Variants in ADGRD1 observed in about 807,000 individuals in gnomAD.
ADGRD1 encodes G-protein coupled receptor 133.
ADGRD1 carries 77 observed loss-of-function variants against 113.4 expected under a neutral mutation model. The observed-to-expected ratio is 0.68, with a 90% CI of 0.57 to 0.82. ADGRD1 has a LOEUF of 0.82. Ranked by LOEUF, ADGRD1 falls within the 40% of genes least tolerant of loss-of-function variation. The probability of loss-of-function intolerance (pLI) is 0.00; values close to 1 mark genes in which losing one functional copy is unlikely to be tolerated. For missense variants in ADGRD1, 1,036 were observed against 1,139.1 expected (o/e 0.91, Z 1.30); for synonymous variants, 474 against 475.0 (o/e 1.00, Z 0.03).
intron 13 of ADGRD1, among the ~76,000 whole-genome samples, chr12:131,028,904 T>C (rs1593070936): frequency 6.6e-6 from 1 of 152,236 alleles, no homozygotes; most frequent in East Asian, 1.9e-4. Flanking sequence ...GAGACGCATT[T>C]AAAAATTTGA....
At position 130,954,366 on chromosome 12, in the gene ADGRD1, G is replaced by T; in HGVS notation, c.-100G>T. 1 of 1,105,684 alleles carries T rather than the reference G, an allele frequency of 9.0e-7. No homozygotes were observed. Among genetic ancestry groups the T allele is most frequent in the Non-Finnish European group, 1.3e-6 (1 of 772,134 alleles). 68.5% of individuals were successfully genotyped at this position (1,105,684 alleles called of 1,614,324 possible). A position where few individuals can be genotyped will look rare whatever the true frequency, so the allele number is the denominator to read the frequency against. On this transcript the variant is annotated 5_prime_UTR_variant, in exon 1 of 25. Transcript: ENST00000261654. This position sits in a 1 kb window ranked among gnomAD's most constrained non-coding sequence, Gnocchi z 4.7. Reference sequence around the variant, plus strand: ...AGAAATTTTCTCCCCTGGAACCTGTGAAAATGTCCCTTTTCCAAGGAAGTG... The same window carrying T: ...AGAAATTTTCTCCCCTGGAACCTGTTAAAATGTCCCTTTTCCAAGGAAGTG...
chr12:130,954,259 T>C lies in ADGRD1; in HGVS notation c.-207T>C. On this transcript the variant is annotated 5_prime_UTR_variant, in exon 1 of 25. Coordinates refer to ENST00000261654, the MANE Select transcript of ADGRD1 (RefSeq NM_198827.5). The surrounding 1 kb of genome is among the most constrained non-coding windows in gnomAD (Gnocchi z 4.7). ...TCATCGCAACGTGTTTATTGATCAC[T>C]GAAGAATCTCAAGTTTTGAGACGAG... The C allele has an allele frequency of 5.9e-6, 3 of 510,918 alleles. No individual in the cohort carries two copies. In the South Asian group the frequency reaches 1.1e-4, roughly 18 times the overall value. The allele number at this position is 510,918 out of a possible 1,614,324, so 31.6% of individuals were successfully genotyped here. A position where few individuals can be genotyped will look rare whatever the true frequency, so the allele number is the denominator to read the frequency against.
At position 131,114,566 on chromosome 12, in the gene ADGRD1, G is replaced by T. The variant is rs572417137; in HGVS notation, c.2042-3819G>T. ...CTGGCTACAAGCTGAAGTCGGGGGG[G>T]TCTGCAGGCAGTTGGGCTCTCTCGA... On this transcript the variant is annotated intron_variant, in intron 18 of 24. Transcript: ENST00000261654. Among the ~76,000 whole-genome samples the T allele has an allele frequency of 3.9e-5, 6 of 152,270 alleles. No individual in the cohort carries two copies. In the East Asian group the frequency reaches 5.8e-4, roughly 15 times the overall value.
At position 130,966,714 on chromosome 12, in the gene ADGRD1, G is replaced by T; in HGVS notation, c.187+168G>T. The T allele has an allele frequency of 1.6e-6, 1 of 610,682 alleles. No individual in the cohort carries two copies. 37.8% of individuals were successfully genotyped at this position (610,682 alleles called of 1,614,324 possible). ...CCCAGGGCCATCGGGGAGCAGATGTGGACACAATCTGCTTTGAAGCCACGG... is the reference window on the plus strand; with the variant it reads ...CCCAGGGCCATCGGGGAGCAGATGTTGACACAATCTGCTTTGAAGCCACGG... On this transcript the variant is annotated intron_variant, in intron 3 of 24. Transcript: ENST00000261654. The surrounding 1 kb of genome is among the most constrained non-coding windows in gnomAD (Gnocchi z 4.6).
In ADGRD1 at chr12:131,118,456, G is replaced by C; in HGVS notation, c.2108+5G>C. The C allele has an allele frequency of 6.2e-7, 1 of 1,605,666 alleles. No individual in the cohort carries two copies. Among genetic ancestry groups the C allele is most frequent in the Non-Finnish European group, 8.5e-7 (1 of 1,176,398 alleles). Reference sequence around the variant, plus strand: ...CAGTTACGGAACAAGCAACAAGTAAGTGCAGGGCTTTGCCTTGCTTTTGGC... The same window carrying C: ...CAGTTACGGAACAAGCAACAAGTAACTGCAGGGCTTTGCCTTGCTTTTGGC... On this transcript the variant is annotated splice_donor_5th_base_variant and intron_variant, in intron 19 of 24. Coordinates refer to ENST00000261654, the MANE Select transcript of ADGRD1 (RefSeq NM_198827.5).
chr12:131,074,776 G>A (rs972100767), intron 13 of ADGRD1, among the ~76,000 whole-genome samples: 3 of 152,172 alleles, frequency 2.0e-5, no homozygotes, highest in Non-Finnish European at 4.4e-5. Context: ...TGGAACCTCT[G>A]ACGATGGAGG....
chr12:131,116,590 G>A (rs1356801131), intron 18 of ADGRD1, among the ~76,000 whole-genome samples: 2 of 143,356 alleles, frequency 1.4e-5, no homozygotes, highest in African/African-American at 6.1e-5. Context: ...CCTTCCTCTG[G>A]AGCAGAAATC....
intron 12 of ADGRD1, among the ~76,000 whole-genome samples, chr12:131,011,155 T>TCCCCACCCTGCCCCACCTCACCCCTG (rs1566026908): frequency 1.8e-5 from 1 of 55,112 alleles, no homozygotes; most frequent in African/African-American, 7.2e-5. Context: ...CCTCACCCCT[T>TCCCCACCCTGCCCCACCTCACCCCTG]CCCCACCCTG....
chr12:131,114,879 G>A (rs962286390), intron 18 of ADGRD1, among the ~76,000 whole-genome samples: 2 of 152,172 alleles, frequency 1.3e-5, no homozygotes, highest in Non-Finnish European at 2.9e-5. Context: ...GCATTGGAGA[G>A]TTTACACATC....
Position 131,004,232 on chromosome 12 carries a change from T to A in ADGRD1, c.1191T>A (p.His397Gln), listed in dbSNP as rs201985264. The change falls in exon 11 of 25, where the codon CAT becomes CAA. Residue 397 changes from histidine (H) to glutamine (Q), a missense_variant. Transcript: ENST00000261654. ...TGCCCAAGACCGTGAATTCCTCCCA[T>A]TACCGCTTCCCGGCCCACGGGCAGA... Reference protein sequence around the residue: ...KILPKTVNSSHYRFPAHGQSF... With the variant: ...KILPKTVNSSQYRFPAHGQSF... The A allele has an allele frequency of 6.2e-7, 1 of 1,613,922 alleles. No individual in the cohort carries two copies. The highest frequency in any genetic ancestry group is 8.5e-7 in the Non-Finnish European group (1 of 1,179,958).
chr12:131,001,015 G>A (rs561089744), intron 9 of ADGRD1, among the ~76,000 whole-genome samples: 1 of 152,232 alleles, frequency 6.6e-6, no homozygotes, highest in East Asian at 1.9e-4. Flanking sequence ...CATGGAAGAA[G>A]GAAATGATGG....
intron 4 of ADGRD1, among the ~76,000 whole-genome samples, chr12:130,974,043 C>T (rs1872013520): frequency 6.6e-6 from 1 of 152,204 alleles, no homozygotes; most frequent in South Asian, 2.1e-4. Flanking sequence ...GGGCATTTCT[C>T]ACTGTGCCCC....
intron 2 of ADGRD1, among the ~76,000 whole-genome samples, chr12:130,956,204 G>A (rs1869559872): frequency 6.6e-6 from 1 of 152,196 alleles, no homozygotes; most frequent in Non-Finnish European, 1.5e-5. Context: ...AGCACCAGGA[G>A]CCTGCTGGGG....
At chr12:131,085,947 C>T (rs774589736) in intron 15 of ADGRD1, among the ~76,000 whole-genome samples, 1 of 152,154 alleles carries the variant, frequency 6.6e-6, no homozygotes, top group Non-Finnish European at 1.5e-5. Context: ...TCTGGAGGCT[C>T]GTCCCCAGTC....
chr12:131,109,706 G>T (rs1950309769), intron 18 of ADGRD1, among the ~76,000 whole-genome samples: 1 of 152,188 alleles, frequency 6.6e-6, no homozygotes, highest in Non-Finnish European at 1.5e-5. Flanking sequence ...TGTATATTCT[G>T]CTGTTGGATG....
chr12:131,022,017 A>G lies in ADGRD1; in HGVS notation c.1473+7677A>G, dbSNP rs1593058231. On this transcript the variant is annotated intron_variant, in intron 13 of 24. Coordinates refer to ENST00000261654, the MANE Select transcript of ADGRD1 (RefSeq NM_198827.5). The surrounding 1 kb of genome is among the most constrained non-coding windows in gnomAD (Gnocchi z 4.6). ...CCGCGCTCGGCCCTGATCTCTTCTT[A>G]TAAGGATACTGGTCACGTTGGATTA... Among the ~76,000 whole-genome samples the G allele has an allele frequency of 6.6e-6, 1 of 152,074 alleles. No individual in the cohort carries two copies. Among genetic ancestry groups the G allele is most frequent in the East Asian group, 1.9e-4 (1 of 5,168 alleles).
intron 11 of ADGRD1, 96 bp downstream of exon 11, chr12:131,004,392 G>GCTGCGTTGCTCCCCCGGGCCGC: frequency 1.3e-6 from 1 of 790,718 alleles, no homozygotes; most frequent in Non-Finnish European, 2.1e-6. Context: ...GCGCCAGGGA[G>GCTGCGTTGCTCCCCCGGGCCGC]CTGCGGTGCT....
intron 9 of ADGRD1, chr12:131,002,673 G>A (rs1876538029): frequency 8.6e-7 from 1 of 1,159,496 alleles, no homozygotes; most frequent in Non-Finnish European, 1.1e-6. Flanking sequence ...GAGGGCTCTT[G>A]GAGTAGAAGG....
intron 13 of ADGRD1, among the ~76,000 whole-genome samples, chr12:131,053,929 A>G (rs1377994647): frequency 6.6e-6 from 1 of 152,088 alleles, no homozygotes; most frequent in Non-Finnish European, 1.5e-5. Context: ...TGTAATTTGC[A>G]TTTCCCTGAT....
Sources: gnomAD v4.1 joint callset for allele counts (sites outside exome capture counted in the v4.1 genomes callset) on GRCh38, gnomAD v4.1.1 for gene constraint, Gnocchi (gnomAD v3.1) non-coding constraint, MANE v1.5 for transcripts, NCBI Gene and HGNC (gene_info 2026-07-23, HGNC 2026-07-21) for gene names.